CERS5: variants seen among roughly 807,000 people sequenced by gnomAD.
CERS5 encodes the protein LAG1 homolog, ceramide synthase 5.
In CERS5, 37 loss-of-function variants were observed where a neutral mutation model predicts 58.9. The observed-to-expected ratio is 0.63, with a 90% CI of 0.48 to 0.83. The LOEUF (loss-of-function observed/expected upper bound fraction) is 0.83, where lower values mean the gene tolerates loss of function less well. Ranked by LOEUF, CERS5 falls within the 40% of genes least tolerant of loss-of-function variation. The pLI, the probability that CERS5 is intolerant of heterozygous loss-of-function variation, is 0.00. For missense variants in CERS5, 398 were observed against 489.3 expected, an observed-to-expected ratio of 0.81 and a Z score of 1.76; for synonymous variants, 147 against 177.8, an observed-to-expected ratio of 0.83 and a Z score of 1.38.
Position 50,148,617 on chromosome 12 carries a change from C to T in CERS5, c.198-4560G>A, listed in dbSNP as rs58491397. ...TCTCAATAATAAATAAATAAATAGGCCGGGCGTGGTGACTCAGACTTGTAA... is the reference window on the plus strand; with the variant it reads ...TCTCAATAATAAATAAATAAATAGGTCGGGCGTGGTGACTCAGACTTGTAA... On this transcript the variant is annotated intron_variant, in intron 1 of 9. Transcript: ENST00000317551. 6.0e-3 allele frequency: 1,727 copies of T among 287,904 alleles called. 26 individuals carry two copies. Among genetic ancestry groups the T allele is most frequent in the African/African-American group, 0.035 (1,578 of 44,526 alleles). The allele number at this position is 287,904 out of a possible 1,614,324, so 17.8% of individuals were successfully genotyped here. A position where few individuals can be genotyped will look rare whatever the true frequency, so the allele number is the denominator to read the frequency against.
chr12:50,134,202 G>A, intron 9 of CERS5: 1 of 351,390 alleles, frequency 2.8e-6, no homozygotes, highest in Non-Finnish European at 5.4e-6. Context: ...GTAACATAGT[G>A]ACACCCTATC....
chr12:50,147,008 G>C (rs1316026564), intron 1 of CERS5, among the ~76,000 whole-genome samples: 1 of 152,158 alleles, frequency 6.6e-6, no homozygotes, highest in Non-Finnish European at 1.5e-5. Flanking sequence ...CACAGTTAAT[G>C]AATTACCTTA....
intron 1 of CERS5, among the ~76,000 whole-genome samples, chr12:50,164,864 C>T (rs1939692925): frequency 6.6e-6 from 1 of 152,154 alleles, no homozygotes; most frequent in African/African-American, 2.4e-5. Context: ...CCTCTTACCA[C>T]TAACATGGGG....
At chr12:50,157,276 C>T (rs1241884810) in intron 1 of CERS5, among the ~76,000 whole-genome samples, 1 of 151,782 alleles carries the variant, frequency 6.6e-6, no homozygotes, top group African/African-American at 2.4e-5. Flanking sequence ...TAATAAACTA[C>T]CCTTCATATA....
chr12:50,149,297 C>A (rs1937676832), intron 1 of CERS5, among the ~76,000 whole-genome samples: 1 of 152,126 alleles, frequency 6.6e-6, no homozygotes, highest in Admixed American at 6.6e-5. Flanking sequence ...TAAAAAGAAG[C>A]TACTACTTTC....
At chr12:50,153,021 G>T (rs1173882203) in intron 1 of CERS5, among the ~76,000 whole-genome samples, 2 of 152,002 alleles carry the variant, frequency 1.3e-5, no homozygotes, top group East Asian at 3.9e-4. Flanking sequence ...AGTGAGCTGA[G>T]ATCCTGCCAC....
At chr12:50,152,648 G>A (rs1183547785) in intron 1 of CERS5, among the ~76,000 whole-genome samples, 1 of 152,158 alleles carries the variant, frequency 6.6e-6, no homozygotes, top group Non-Finnish European at 1.5e-5. Flanking sequence ...GGCTCCCAAG[G>A]AAAACCATTT....
At chr12:50,136,516 G>A (rs1052764298) in intron 6 of CERS5, among the ~76,000 whole-genome samples, 2 of 151,894 alleles carry the variant, frequency 1.3e-5, no homozygotes, top group Non-Finnish European at 2.9e-5. Flanking sequence ...CTCTCCCTTG[G>A]CTACCTAGCA....
intron 1 of CERS5, among the ~76,000 whole-genome samples, chr12:50,156,437 T>TATATATATATATAAAA (rs1197474516): frequency 9.2e-6 from 1 of 108,830 alleles, no homozygotes. Flanking sequence ...TATATATATA[T>TATATATATATATAAAA]AAAACAATTA....
intron 1 of CERS5, among the ~76,000 whole-genome samples, chr12:50,147,827 G>C (rs769195876): frequency 1.3e-5 from 2 of 152,076 alleles, no homozygotes; most frequent in Non-Finnish European, 2.9e-5. Context: ...ACCCAGGCTG[G>C]AGTGCAGTGG....
chr12:50,137,501 T>TTA (rs1350606782), intron 6 of CERS5, among the ~76,000 whole-genome samples: 1 of 152,228 alleles, frequency 6.6e-6, no homozygotes, highest in Non-Finnish European at 1.5e-5. Context: ...AGTATGCTTC[T>TTA]TAGCTGGTTA....
At chr12:50,134,243 G>A (rs1468230584) in intron 9 of CERS5, among the ~76,000 whole-genome samples, 2 of 149,748 alleles carry the variant, frequency 1.3e-5, no homozygotes, top group South Asian at 2.1e-4. Context: ...GCCAGGCGTG[G>A]TGGTGCACAC....
Position 50,142,122 on chromosome 12 carries a change from A to G in CERS5, c.435-12T>C. On this transcript the variant is annotated splice_polypyrimidine_tract_variant and intron_variant, in intron 3 of 9. Coordinates refer to ENST00000317551, the MANE Select transcript of CERS5 (RefSeq NM_147190.5). The stretch of plus-strand genomic sequence containing the variant: ...ATGTGAATCTCCACCTGGGTGGGCA[A>G]AGAGTAAAGGTTAGACAAATGTCCA... 6.3e-7 allele frequency: 1 copy of G among 1,584,610 alleles called. No homozygotes were observed. Among genetic ancestry groups the G allele is most frequent in the Non-Finnish European group, 8.7e-7 (1 of 1,155,490 alleles).
At chr12:50,144,718 C>T (rs913093118) in intron 1 of CERS5, 4 of 1,060,052 alleles carry the variant, frequency 3.8e-6, no homozygotes, top group East Asian at 2.6e-5. Context: ...AGCACTCTAT[C>T]GTAGTCTCAG....
Position 50,134,604 on chromosome 12 carries a change from T to C in CERS5, c.971A>G (p.His324Arg). ...TGCAATTAGGTAGGACCAGATGACATGCAGAAGCTGTAGGGTCAGCAGCAG... is the reference window on the plus strand; with the variant it reads ...TGCAATTAGGTAGGACCAGATGACACGCAGAAGCTGTAGGGTCAGCAGCAG... ...NGLLLTLQLL[H>R]VIWSYLIARI... The change falls in exon 9 of 10, where the codon CAT (histidine) becomes CGT (arginine). Residue 324 changes from histidine to arginine, a missense_variant. By Grantham distance (29) the His-to-Arg change is conservative. Transcript: ENST00000317551. The C allele has an allele frequency of 6.2e-7, 1 of 1,614,144 alleles. No homozygotes were observed. The highest frequency in any genetic ancestry group is 8.5e-7 in the Non-Finnish European group (1 of 1,180,028).
chr12:50,162,594 T>C (rs1939423481), intron 1 of CERS5, among the ~76,000 whole-genome samples: 1 of 150,802 alleles, frequency 6.6e-6, no homozygotes, highest in Non-Finnish European at 1.5e-5. Flanking sequence ...TATACCTCTT[T>C]ATCTCTCTCT....
rs754256376 is a variant in CERS5 at position 50,130,419 on chromosome 12, C to CTT, written c.*124_*125dup. 136 of 843,208 alleles carry CTT rather than the reference C, an allele frequency of 1.6e-4. No homozygotes were observed. The highest frequency in any genetic ancestry group is 2.1e-4 in the Non-Finnish European group (121 of 584,054). The allele number at this position is 843,208 out of a possible 1,614,324, so 52.2% of individuals were successfully genotyped here. On this transcript the variant is annotated 3_prime_UTR_variant, in exon 10 of 10. Coordinates refer to ENST00000317551, the MANE Select transcript of CERS5 (RefSeq NM_147190.5). ...TCTTTCAAAGTGAAAATATTTGCTT[C>CTT]TTTGATACTCCTCAGTGCCTTGCAG...
rs374177550 is a variant in CERS5 at position 50,161,784 on chromosome 12, G to GAAAAAAAAAAAAAAAAAAAAAAAA, written c.197+5316_197+5317insTTTTTTTTTTTTTTTTTTTTTTTT. ...AGAGTGAGACTCCGTCTCAAAAAAA[G>GAAAAAAAAAAAAAAAAAAAAAAAA]AAAAAAAAAAAAAAAAGCAAAGTTC... On this transcript the variant is annotated intron_variant, in intron 1 of 9. Coordinates refer to ENST00000317551, the MANE Select transcript of CERS5 (RefSeq NM_147190.5). Among the ~76,000 whole-genome samples the GAAAAAAAAAAAAAAAAAAAAAAAA allele has an allele frequency of 3.0e-4, 27 of 90,874 alleles. 3 individuals are homozygous for GAAAAAAAAAAAAAAAAAAAAAAAA. The highest frequency in any genetic ancestry group is 3.3e-4 in the Non-Finnish European group (17 of 51,784). 59.6% of individuals were successfully genotyped at this position (90,874 alleles called of 152,430 possible). A position where few individuals can be genotyped will look rare whatever the true frequency, so the allele number is the denominator to read the frequency against.
intron 9 of CERS5, chr12:50,133,214 G>C (rs1171121166): frequency 1.7e-6 from 2 of 1,158,008 alleles, no homozygotes; most frequent in African/African-American, 3.2e-5. Flanking sequence ...TCCATCACTT[G>C]GTCCTAGTAT....
Sources: gnomAD v4.1 joint callset for allele counts (sites outside exome capture counted in the v4.1 genomes callset) on GRCh38, gnomAD v4.1.1 for gene constraint, MANE v1.5 for transcripts, NCBI Gene and HGNC (gene_info 2026-07-23, HGNC 2026-07-21) for gene names.